Variants in ROR1 observed in about 807,000 individuals in gnomAD.
ROR1 encodes the protein inactive tyrosine-protein kinase transmembrane receptor ROR1.
Under a neutral mutation model 78.8 loss-of-function variants are expected in ROR1, and 19 were observed. That is an observed-to-expected ratio of 0.24 (90% confidence interval 0.17 to 0.35). The LOEUF is 0.35. ROR1 is among the 10% of genes least tolerant of loss of function. ROR1 has a pLI of 1.00. For synonymous variants in ROR1, 386 were observed against 433.6 expected, an observed-to-expected ratio of 0.89 and a Z score of 1.36; for missense variants, 917 against 1,177.8, an observed-to-expected ratio of 0.78 and a Z score of 3.24.
intron 1 of ROR1, among the ~76,000 whole-genome samples, chr1:63,999,199 TC>T (rs1646363783): frequency 6.6e-6 from 1 of 152,214 alleles, no homozygotes; most frequent in South Asian, 2.1e-4. Flanking sequence ...AATAGAAGGC[TC>T]CTTTGAGTAT....
chr1:63,860,772 G>GAAAA (rs1319567628), intron 1 of ROR1, among the ~76,000 whole-genome samples: 1 of 116,770 alleles, frequency 8.6e-6, no homozygotes. Context: ...CTGTCTCGGG[G>GAAAA]AAAAAAAAAA....
At chr1:64,009,539 C>A (rs1646459112) in intron 2 of ROR1, among the ~76,000 whole-genome samples, 163 bp downstream of exon 2, 1 of 152,138 alleles carries the variant, frequency 6.6e-6, no homozygotes, top group South Asian at 2.1e-4. Flanking sequence ...CATTGAATTA[C>A]TTGGGATTCT....
chr1:63,982,738 G>C (rs1047836821), intron 1 of ROR1, among the ~76,000 whole-genome samples: 1 of 152,204 alleles, frequency 6.6e-6, no homozygotes, highest in East Asian at 1.9e-4. Context: ...AGTTGAATGG[G>C]AATCCCTTTG....
intron 1 of ROR1, among the ~76,000 whole-genome samples, chr1:63,879,284 C>T (rs998524348): frequency 1.2e-4 from 19 of 152,080 alleles, no homozygotes; most frequent in Non-Finnish European, 1.8e-4. Context: ...TGAATCCATA[C>T]AGAATAAAAA....
intron 1 of ROR1, chr1:63,788,912 C>T: frequency 2.3e-6 from 2 of 871,594 alleles, no homozygotes; most frequent in Non-Finnish European, 3.7e-6. Flanking sequence ...TGTTTTTGAA[C>T]ACGTTCCCCT....
chr1:63,934,946 C>T (rs940607092), intron 1 of ROR1, among the ~76,000 whole-genome samples: 2 of 151,892 alleles, frequency 1.3e-5, no homozygotes, highest in East Asian at 3.9e-4. Flanking sequence ...AACAATTTAT[C>T]ATGCTTCTTT....
chr1:64,023,646 A>G (rs895266834), intron 2 of ROR1, among the ~76,000 whole-genome samples: 1 of 152,234 alleles, frequency 6.6e-6, no homozygotes. Flanking sequence ...GCTAACAGAT[A>G]CTGTTTGTCT....
chr1:64,020,249 A>T (rs143990239), intron 2 of ROR1, among the ~76,000 whole-genome samples: 1 of 152,344 alleles, frequency 6.6e-6, no homozygotes, highest in African/African-American at 2.4e-5. Flanking sequence ...AACTTGCCCT[A>T]CGTCACAAAG....
At position 64,009,341 on chromosome 1, in the gene ROR1, C is replaced by G. The variant is rs770318000; in HGVS notation, c.128C>G (p.Thr43Ser). ...ELSVSAELVP[T>S]SSWNISSELN... ...TCAGTCAGTGCTGAATTAGTGCCTA[C>G]CTCATCATGGAACATCTCAAGTGAA... Residue 43 changes from threonine (T) to serine (S), a missense_variant, in exon 2 of 9, where the codon ACC becomes AGC. Transcript: ENST00000371079. 6.2e-7 allele frequency: 1 copy of G among 1,613,740 alleles called. No homozygotes were observed. Among genetic ancestry groups the G allele is most frequent in the South Asian group, 1.1e-5 (1 of 91,060 alleles).
chr1:63,912,297 C>CAAAAAA (rs67307299), intron 1 of ROR1, among the ~76,000 whole-genome samples: 1 of 130,878 alleles, frequency 7.6e-6, no homozygotes, highest in Non-Finnish European at 1.6e-5. Flanking sequence ...GACCCTATCT[C>CAAAAAA]AAAAAAAAAA....
intron 1 of ROR1, among the ~76,000 whole-genome samples, chr1:63,975,062 A>T (rs1305456998): frequency 6.6e-6 from 1 of 152,214 alleles, no homozygotes; most frequent in Non-Finnish European, 1.5e-5. Flanking sequence ...GAGAACAGTC[A>T]GAGCATAGAT....
Position 64,104,078 on chromosome 1 carries a change from G to A in ROR1, c.483-33291G>A, listed in dbSNP as rs79674299. On this transcript the variant is annotated intron_variant, in intron 4 of 8. Coordinates refer to ENST00000371079, the MANE Select transcript of ROR1 (RefSeq NM_005012.4). ...CAGCCCCAAACGTCAATAGCGCTGA[G>A]ATTGAGAAACTCTGCACTAGGCTAT... Among the ~76,000 whole-genome samples the A allele has an allele frequency of 2.0e-3, 306 of 152,266 alleles. 1 individual carries two copies. Among genetic ancestry groups the A allele is most frequent in the African/African-American group, 7.2e-3 (299 of 41,542 alleles).
At position 64,178,118 on chromosome 1, in the gene ROR1, T is replaced by C. The variant is rs1393794291; in HGVS notation, c.2077T>C (p.Tyr693His). The C allele has an allele frequency of 6.2e-7, 1 of 1,614,118 alleles. No homozygotes were observed. Among genetic ancestry groups the C allele is most frequent in the East Asian group, 2.2e-5 (1 of 44,874 alleles). Residue 693 changes from tyrosine to histidine, a missense_variant, in exon 9 of 9, where the codon TAT becomes CAT. Transcript: ENST00000371079. The surrounding 1 kb of genome is among the most constrained non-coding windows in gnomAD (Gnocchi z 4.3). Reference protein sequence around the residue: ...WEIFSFGLQPYYGFSNQEVIE... With the variant: ...WEIFSFGLQPHYGFSNQEVIE... ...GATTTTCAGTTTTGGACTCCAGCCA[T>C]ATTATGGATTCAGTAACCAGGAAGT...
At chr1:64,024,399 GGAACC>G (rs1346572125) in intron 2 of ROR1, among the ~76,000 whole-genome samples, 1 of 151,934 alleles carries the variant, frequency 6.6e-6, no homozygotes, top group Non-Finnish European at 1.5e-5. Flanking sequence ...GAGAATCACT[GGAACC>G]TGGGAGACGG....
At chr1:63,860,592 C>CAT (rs1283878836) in intron 1 of ROR1, among the ~76,000 whole-genome samples, 20 of 147,448 alleles carry the variant, frequency 1.4e-4, no homozygotes, top group Admixed American at 4.7e-4. Context: ...CACACACACA[C>CAT]ACACACACAC....
chr1:63,802,158 TGTAAA>T (rs1350976909), intron 1 of ROR1, among the ~76,000 whole-genome samples: 1 of 152,252 alleles, frequency 6.6e-6, no homozygotes, highest in Admixed American at 6.5e-5. Flanking sequence ...ATTTAAATTC[TGTAAA>T]GTACACAATT....
chr1:63,850,103 A>AT (rs1169251277), intron 1 of ROR1, among the ~76,000 whole-genome samples: 1 of 152,192 alleles, frequency 6.6e-6, no homozygotes, highest in Non-Finnish European at 1.5e-5. Context: ...TGCTTTGCCT[A>AT]TTTTAAAATT....
intron 7 of ROR1, among the ~76,000 whole-genome samples, chr1:64,146,576 A>G (rs1458287636): frequency 2.0e-5 from 3 of 152,200 alleles, no homozygotes; most frequent in East Asian, 1.9e-4. Flanking sequence ...TTTCCAACCA[A>G]TGCCTATCAG....
intron 1 of ROR1, among the ~76,000 whole-genome samples, chr1:63,821,439 A>T (rs1438782576): frequency 6.6e-6 from 1 of 152,216 alleles, no homozygotes; most frequent in African/African-American, 2.4e-5. Context: ...AACTGCCAAC[A>T]CTTTTCACTG....
Sources: gnomAD v4.1 joint callset for allele counts (sites outside exome capture counted in the v4.1 genomes callset) on GRCh38, gnomAD v4.1.1 for gene constraint, Gnocchi (gnomAD v3.1) non-coding constraint, MANE v1.5 for transcripts, NCBI Gene and HGNC (gene_info 2026-07-23, HGNC 2026-07-21) for gene names.